STRC: variants seen among roughly 807,000 people sequenced by gnomAD.
STRC encodes the protein stereocilin.
Under a neutral mutation model 103.5 loss-of-function variants are expected in STRC, and 43 were observed. The ratio of observed to expected loss-of-function variants is 0.42; its 90% CI spans 0.33 to 0.54. STRC has a LOEUF of 0.54. Among genes scored for constraint, STRC ranks in the 20% least tolerant of loss-of-function variants. The pLI, the probability that STRC is intolerant of heterozygous loss-of-function variation, is 0.14. For synonymous variants in STRC, 186 were observed against 442.3 expected, an observed-to-expected ratio of 0.42 and a Z score of 7.27; for missense variants, 499 against 1,088.5, an observed-to-expected ratio of 0.46 and a Z score of 7.62.
intron 27 of STRC, 43 bp from the exon 28 acceptor site, chr15:43,600,150 T>A: frequency 6.3e-7 from 1 of 1,584,480 alleles, no homozygotes; most frequent in Non-Finnish European, 8.6e-7. Flanking sequence ...GTAGTCCCCA[T>A]TGGGCCCTGG....
At chr15:43,600,350 A>G in intron 26 of STRC, 57 bp from the exon 27 acceptor site, 1 of 793,838 alleles carries the variant, frequency 1.3e-6, no homozygotes, top group Admixed American at 2.1e-5. Flanking sequence ...CTCTCTTCAA[A>G]CCTATAGACC....
intron 24 of STRC, 78 bp downstream of exon 24, chr15:43,601,318 T>C: frequency 6.3e-7 from 1 of 1,599,704 alleles, no homozygotes; most frequent in Non-Finnish European, 8.6e-7. Context: ...AAAAAATTCC[T>C]TGGGCTTTAG....
rs183973715 is a variant in STRC at position 43,604,546 on chromosome 15, G to A, written c.4128-95C>T. ...GACATGCTAGGATTTCGGACACAGG[G>A]CTCCAGGGGACCTTAAGAATATGGA... On this transcript the variant is annotated intron_variant, in intron 20 of 28. Transcript: ENST00000450892. 2,797 of 1,610,968 alleles carry A rather than the reference G, an allele frequency of 1.7e-3. 80 individuals are homozygous for A. The Admixed American group carries it at 0.034, about 19-fold the overall frequency.
chr15:43,605,501 C>T (rs2085705876), intron 18 of STRC, 102 bp from the exon 19 acceptor site: 15 of 1,538,986 alleles, frequency 9.7e-6, no homozygotes, highest in South Asian at 2.4e-5. Flanking sequence ...TGACCCCAGA[C>T]CAAATTTAGT....
chr15:43,609,476 G>A, intron 15 of STRC, 142 bp from the exon 16 acceptor site: 2 of 724,210 alleles, frequency 2.8e-6, no homozygotes, highest in Non-Finnish European at 4.9e-6. Context: ...TCTCCCAGAT[G>A]CCCACTCTTC....
In STRC at chr15:43,604,264, G is replaced by A. The variant is rs2085695936; in HGVS notation, c.4218+97C>T. 4.4e-6 allele frequency: 7 copies of A among 1,594,906 alleles called. No individual in the cohort carries two copies. The East Asian group carries it at 1.3e-4, about 31-fold the overall frequency. On this transcript the variant is annotated intron_variant, in intron 21 of 28. Coordinates refer to ENST00000450892, the MANE Select transcript of STRC (RefSeq NM_153700.2). The stretch of plus-strand genomic sequence containing the variant: ...TTTTGCAGTCTCCCCCCAGATCTAG[G>A]CTTCATATCCTTTGCCCTCTTTGGC...
intron 26 of STRC, 83 bp from the exon 27 acceptor site, chr15:43,600,376 C>T (rs532356677): frequency 1.0e-6 from 1 of 975,416 alleles, no homozygotes; most frequent in Non-Finnish European, 1.6e-6. Context: ...TAACTACTCC[C>T]AAAGTGCCCT....
rs1229168144 is a variant in STRC at position 43,609,518 on chromosome 15, G to A, written c.3499-184C>T. The A allele has an allele frequency of 4.7e-6, 3 of 631,770 alleles. No homozygotes were observed. In the East Asian group the frequency reaches 8.7e-5, roughly 18 times the overall value. The allele number at this position is 631,770 out of a possible 1,614,324, so 39.1% of individuals were successfully genotyped here. A position where few individuals can be genotyped will look rare whatever the true frequency, so the allele number is the denominator to read the frequency against. On this transcript the variant is annotated intron_variant, in intron 15 of 28. Transcript: ENST00000450892. ...GAGTGAGAAAGAAATGAAAGAAAAG[G>A]GAAGGAGAAAGAAAAAGAAAAGCAA...
intron 23 of STRC, among the ~76,000 whole-genome samples, chr15:43,602,318 T>G (rs2085676559): frequency 6.6e-6 from 1 of 151,608 alleles, no homozygotes; most frequent in South Asian, 2.1e-4. Context: ...GTAGCTGGGA[T>G]TACAGGCATG....
intron 17 of STRC, 24 bp downstream of exon 17, chr15:43,608,056 T>A (rs1181644560): frequency 1.9e-6 from 3 of 1,610,684 alleles, no homozygotes; most frequent in Non-Finnish European, 2.5e-6. Context: ...CTGCTCCCAC[T>A]AAAGTCCAGG....
chr15:43,603,723 G>C (rs2085690853), intron 22 of STRC: 4 of 691,596 alleles, frequency 5.8e-6, no homozygotes, highest in Middle Eastern at 4.1e-4. Context: ...CTCCCCAGCA[G>C]AGAGCTCCAC....
chr15:43,604,903 C>T (rs2085701117), intron 19 of STRC, 57 bp from the exon 20 acceptor site: 2 of 1,564,214 alleles, frequency 1.3e-6, no homozygotes, highest in East Asian at 2.3e-5. Context: ...TACCAGACAC[C>T]TTGATCAAGA....
chr15:43,609,544 G>A (rs2085734119), intron 15 of STRC: 5 of 591,604 alleles, frequency 8.5e-6, no homozygotes, highest in South Asian at 3.9e-5. Flanking sequence ...AGAAAAGCAA[G>A]TCACATTATA....
At chr15:43,610,279 G>C (rs2085738401) in intron 15 of STRC, 33 bp downstream of exon 15, 2 of 431,432 alleles carry the variant, frequency 4.6e-6, no homozygotes, top group Admixed American at 5.1e-5. Context: ...TACATTGAGG[G>C]AGGAAGTTCT....
At position 43,601,491 on chromosome 15, in the gene STRC, T is replaced by C. The variant is rs778422040; in HGVS notation, c.4606A>G (p.Ile1536Val). Residue 1536 changes from isoleucine to valine, a missense_variant, in exon 24 of 29, where the codon ATA becomes GTA. Transcript: ENST00000450892. ...EQILQLGRLL[I>V]GLGDRELQEL... Reference sequence around the variant, plus strand: ...TGTAGTTCCCGATCTCCTAGACCTATTAAGAGCCTACCAAGCTGCAGGATC... The same window carrying C: ...TGTAGTTCCCGATCTCCTAGACCTACTAAGAGCCTACCAAGCTGCAGGATC... 5 of 1,613,784 alleles carry C rather than the reference T, an allele frequency of 3.1e-6. No homozygotes were observed. The South Asian group carries it at 4.4e-5, about 14-fold the overall frequency.
intron 15 of STRC, chr15:43,610,073 C>T (rs2141527767): frequency 8.2e-6 from 4 of 485,652 alleles, no homozygotes; most frequent in Non-Finnish European, 1.1e-5. Flanking sequence ...TGGTAACCAC[C>T]TGTCGTCCTA....
At position 43,613,237 on chromosome 15, in the gene STRC, AGG is replaced by A; in HGVS notation, c.2481-8_2481-7del. 1 of 317,752 alleles carries A rather than the reference AGG, an allele frequency of 3.1e-6. No individual in the cohort carries two copies. Among genetic ancestry groups the A allele is most frequent in the South Asian group, 2.2e-5 (1 of 45,136 alleles). The allele number at this position is 317,752 out of a possible 1,614,324, so 19.7% of individuals were successfully genotyped here. ...AATCCCGGATGGCAGCCAGGCTGCG[AGG>A]AGTCATGGGTCTTAACCCTTTGTCT... On this transcript the variant is annotated splice_region_variant and splice_polypyrimidine_tract_variant and intron_variant, in intron 7 of 28. Coordinates refer to ENST00000450892, the MANE Select transcript of STRC (RefSeq NM_153700.2).
Position 43,599,719 on chromosome 15 carries a change from A to G in STRC, c.5281T>C (p.Ser1761Pro). 2.9e-5 allele frequency: 14 copies of G among 484,656 alleles called. No homozygotes were observed. In the East Asian group the frequency reaches 4.4e-4, roughly 15 times the overall value. 30.0% of individuals were successfully genotyped at this position (484,656 alleles called of 1,614,324 possible). The change falls in exon 29 of 29, where the codon TCC becomes CCC. Residue 1761 changes from serine to proline, a missense_variant. Coordinates refer to ENST00000450892, the MANE Select transcript of STRC (RefSeq NM_153700.2). ...CTGATAGTCAATACCAGGGACCAGG[A>G]AGGTCGTGACCAGTCCTGGAGGCCC... ...AWGLQDWSRPSWSLVLTISFL... is the reference protein window; with the variant it reads ...AWGLQDWSRPPWSLVLTISFL...
At position 43,618,167 on chromosome 15, in the gene STRC, G is replaced by GCCCCCACCTCTCCA; in HGVS notation, c.253_254insTGGAGAGGTGGGGG (p.Pro85LeufsTer18). ...GAGCCGCAGAGCAGGCGGCTGGAGA[G>GCCCCCACCTCTCCA]GTGGGGGCTCTCCTACTGGTCCTTC... On this transcript the variant is annotated frameshift_variant, in exon 2 of 29. Transcript: ENST00000450892. LOFTEE classifies it high-confidence loss of function. 2.1e-5 allele frequency: 19 copies of GCCCCCACCTCTCCA among 918,852 alleles called. No individual in the cohort carries two copies. The highest frequency in any genetic ancestry group is 3.0e-5 in the Non-Finnish European group (18 of 596,224). The allele number at this position is 918,852 out of a possible 1,614,324, so 56.9% of individuals were successfully genotyped here.
Sources: gnomAD v4.1 joint callset for allele counts (sites outside exome capture counted in the v4.1 genomes callset) on GRCh38, gnomAD v4.1.1 for gene constraint, MANE v1.5 for transcripts, NCBI Gene and HGNC (gene_info 2026-07-23, HGNC 2026-07-21) for gene names.